CYP7B1: variants seen among roughly 807,000 people sequenced by gnomAD.
CYP7B1 encodes cytochrome P450 family 7 subfamily B member 1, also known as cytochrome P450 7B1.
CYP7B1 carries 29 observed loss-of-function variants against 42.7 expected under a neutral mutation model. The ratio of observed to expected loss-of-function variants is 0.68; its 90% CI spans 0.51 to 0.93. CYP7B1 has a LOEUF of 0.93. Among genes scored for constraint, CYP7B1 ranks in the 40% least tolerant of loss-of-function variants. The pLI is 0.00. For missense variants in CYP7B1, 655 were observed against 600.5 expected, an observed-to-expected ratio of 1.09 and a Z score of -0.95; for synonymous variants, 235 against 218.2, an observed-to-expected ratio of 1.08 and a Z score of -0.68.
chr8:64,616,156 G>T lies in CYP7B1; in HGVS notation c.385C>A (p.Gln129Lys). Residue 129 changes from glutamine to lysine, a missense_variant, in exon 3 of 6, where the codon CAA (glutamine) becomes AAA (lysine). Gln to Lys is a moderately conservative substitution (Grantham distance 53, BLOSUM62 1). Transcript: ENST00000310193. ...TCATCATTCATGTCATGATTTTTTT[G>T]CAACTGACTGATGCTAAATGCTTTC... ...LEKAFSISQL[Q>K]KNHDMNDELH... 2.5e-6 allele frequency: 4 copies of T among 1,613,266 alleles called. No individual in the cohort carries two copies. Among genetic ancestry groups the T allele is most frequent in the Non-Finnish European group, 3.4e-6 (4 of 1,179,624 alleles).
chr8:64,693,457 C>T (rs1166099580), intron 1 of CYP7B1, among the ~76,000 whole-genome samples: 16 of 152,188 alleles, frequency 1.1e-4, no homozygotes, highest in Non-Finnish European at 2.4e-4. Flanking sequence ...TAGCTCAGTA[C>T]CATACCTCTG....
intron 1 of CYP7B1, among the ~76,000 whole-genome samples, chr8:64,753,870 G>T (rs1223011105): frequency 6.6e-6 from 1 of 152,192 alleles, no homozygotes; most frequent in Admixed American, 6.5e-5. Flanking sequence ...GTCAGAAGAG[G>T]AAGGGGGCAT....
intron 1 of CYP7B1, among the ~76,000 whole-genome samples, chr8:64,755,241 T>A (rs2129633598): frequency 6.6e-6 from 1 of 152,248 alleles, no homozygotes. Flanking sequence ...AACCAGCCAG[T>A]CCTCAAAGAT....
intron 1 of CYP7B1, among the ~76,000 whole-genome samples, chr8:64,768,445 G>A (rs534953941): frequency 6.6e-6 from 1 of 151,450 alleles, no homozygotes; most frequent in East Asian, 1.9e-4. Context: ...TATTTAGTTT[G>A]TTTAAAAAAT....
intron 1 of CYP7B1, among the ~76,000 whole-genome samples, chr8:64,725,618 A>G (rs1054659388): frequency 4.6e-5 from 7 of 152,128 alleles, no homozygotes; most frequent in Admixed American, 3.9e-4. Flanking sequence ...TCTCATATAC[A>G]CACATAACTG....
chr8:64,731,206 G>A (rs1033025988), intron 1 of CYP7B1, among the ~76,000 whole-genome samples: 2 of 152,172 alleles, frequency 1.3e-5, no homozygotes, highest in African/African-American at 4.8e-5. Flanking sequence ...ACCCAAAAAT[G>A]TGGAAGCAAC....
chr8:64,710,795 A>C (rs1372690160), intron 1 of CYP7B1, among the ~76,000 whole-genome samples: 1 of 149,436 alleles, frequency 6.7e-6, no homozygotes, highest in Non-Finnish European at 1.5e-5. Flanking sequence ...TATTTTATTT[A>C]TATTCTTATA....
chr8:64,743,591 T>C (rs1807600636), intron 1 of CYP7B1, among the ~76,000 whole-genome samples: 1 of 152,108 alleles, frequency 6.6e-6, no homozygotes, highest in Non-Finnish European at 1.5e-5. Context: ...TCACTGAGTC[T>C]TCACCTGACC....
At chr8:64,598,363 A>G (rs1805148972) in intron 5 of CYP7B1, among the ~76,000 whole-genome samples, 1 of 152,140 alleles carries the variant, frequency 6.6e-6, no homozygotes, top group Non-Finnish European at 1.5e-5. Context: ...CTCCTGGGGA[A>G]CTTCTTCCAT....
intron 1 of CYP7B1, among the ~76,000 whole-genome samples, chr8:64,696,912 A>G (rs1417900373): frequency 6.6e-6 from 1 of 152,180 alleles, no homozygotes; most frequent in South Asian, 2.1e-4. Context: ...TAACAGCTCA[A>G]TTCTGGGTTT....
rs1431651391 is a variant in CYP7B1, at chr8:64,593,614, T to C, written c.*3028A>G. Among the ~76,000 whole-genome samples, 2 of 152,126 alleles carry C rather than the reference T, an allele frequency of 1.3e-5. No individual in the cohort carries two copies. Among genetic ancestry groups the C allele is most frequent in the African/African-American group, 4.8e-5 (2 of 41,430 alleles). On this transcript the variant is annotated 3_prime_UTR_variant, in exon 6 of 6. Transcript: ENST00000310193. ...GCAGTCTGAAAAATGCAAATACAAA[T>C]TCTCTCTTGAGGAATGAACTTTAAA...
At chr8:64,728,300 T>C (rs1347022548) in intron 1 of CYP7B1, among the ~76,000 whole-genome samples, 1 of 152,218 alleles carries the variant, frequency 6.6e-6, no homozygotes, top group Non-Finnish European at 1.5e-5. Context: ...AGTATATTGT[T>C]ACCAAATACA....
chr8:64,691,198 C>G (rs1806734978), intron 1 of CYP7B1, among the ~76,000 whole-genome samples: 1 of 152,204 alleles, frequency 6.6e-6, no homozygotes, highest in Non-Finnish European at 1.5e-5. Context: ...TATACTTTAC[C>G]AAAACGTTTA....
chr8:64,782,051 C>T (rs1804433672), intron 1 of CYP7B1, among the ~76,000 whole-genome samples: 1 of 152,104 alleles, frequency 6.6e-6, no homozygotes, highest in African/African-American at 2.4e-5. Flanking sequence ...CTTCCCTTAC[C>T]ATCCTCTCAA....
At chr8:64,612,471 G>A (rs956874837) in intron 4 of CYP7B1, among the ~76,000 whole-genome samples, 3 of 152,014 alleles carry the variant, frequency 2.0e-5, no homozygotes, top group Non-Finnish European at 2.9e-5. Context: ...TAAAATAAGA[G>A]TAGAATAGTT....
At chr8:64,634,773 T>A (rs1158905245) in intron 1 of CYP7B1, among the ~76,000 whole-genome samples, 2 of 151,950 alleles carry the variant, frequency 1.3e-5, no homozygotes, top group African/African-American at 4.8e-5. Context: ...AAATTCACCA[T>A]GAGGACAAGC....
downstream of CYP7B1, among the ~76,000 whole-genome samples, chr8:64,590,571 C>T (rs1300477072): frequency 6.6e-6 from 1 of 152,062 alleles, no homozygotes; most frequent in Non-Finnish European, 1.5e-5. Flanking sequence ...GCAAGGTCAG[C>T]CTGCCTAGAA....
intron 1 of CYP7B1, among the ~76,000 whole-genome samples, chr8:64,795,716 T>C (rs568481028): frequency 6.6e-6 from 1 of 152,348 alleles, no homozygotes; most frequent in East Asian, 1.9e-4. Context: ...TTGACTCTGC[T>C]GTCAAAAATG....
chr8:64,635,507 G>A (rs1033871296), intron 1 of CYP7B1, among the ~76,000 whole-genome samples: 5 of 152,186 alleles, frequency 3.3e-5, no homozygotes, highest in African/African-American at 9.6e-5. Context: ...ACTCTAGAAC[G>A]GTCTGTAAGA....
Sources: gnomAD v4.1 joint callset for allele counts (sites outside exome capture counted in the v4.1 genomes callset) on GRCh38, gnomAD v4.1.1 for gene constraint, MANE v1.5 for transcripts, NCBI Gene and HGNC (gene_info 2026-07-23, HGNC 2026-07-21) for gene names.